FMNL2: variants seen among roughly 807,000 people sequenced by gnomAD.
FMNL2 encodes the protein formin-like protein 2.
In FMNL2, 51 loss-of-function variants were observed where a neutral mutation model predicts 130.2. The ratio of observed to expected loss-of-function variants is 0.39; its 90% CI spans 0.31 to 0.49. The LOEUF (loss-of-function observed/expected upper bound fraction) is 0.49, where lower values mean the gene tolerates loss of function less well. Among genes scored for constraint, FMNL2 ranks in the 20% least tolerant of loss-of-function variants. The probability of loss-of-function intolerance (pLI) is 0.85; values close to 1 mark genes in which losing one functional copy is unlikely to be tolerated. For synonymous variants in FMNL2, 465 were observed against 467.1 expected, an observed-to-expected ratio of 1.00 and a Z score of 0.06; for missense variants, 977 against 1,316.2, an observed-to-expected ratio of 0.74 and a Z score of 3.99.
At position 152,338,818 on chromosome 2, in the gene FMNL2, G is replaced by GACACACACACACAC. The variant is rs767062578; in HGVS notation, c.117+3099_117+3100insCACACACACACACA. ...CCTTTCAGGTACAGCTGGAAGGTGAGATACACACACACACACACACACACA... is the reference window on the plus strand; with the variant it reads ...CCTTTCAGGTACAGCTGGAAGGTGAGACACACACACACACATACACACACACACACACACACACA... On this transcript the variant is annotated intron_variant, in intron 1 of 25. Coordinates refer to ENST00000288670, the MANE Select transcript of FMNL2 (RefSeq NM_052905.4). Among the ~76,000 whole-genome samples, 333 of 60,374 alleles carry GACACACACACACAC rather than the reference G, an allele frequency of 5.5e-3. 1 individual carries two copies. Among genetic ancestry groups the GACACACACACACAC allele is most frequent in the African/African-American group, 3.2e-3 (76 of 23,562 alleles). 39.6% of individuals were successfully genotyped at this position (60,374 alleles called of 152,430 possible).
intron 1 of FMNL2, among the ~76,000 whole-genome samples, chr2:152,398,288 G>C (rs1488665754): frequency 2.6e-5 from 4 of 152,150 alleles, no homozygotes; most frequent in African/African-American, 9.7e-5. Context: ...AAAGAGCACA[G>C]ATTTTTTATA....
chr2:152,603,621 C>A (rs1043346158), intron 9 of FMNL2, among the ~76,000 whole-genome samples: 3 of 150,746 alleles, frequency 2.0e-5, no homozygotes, highest in Non-Finnish European at 3.0e-5. Flanking sequence ...ATATTTGATG[C>A]CATCTTTTAA....
intron 1 of FMNL2, among the ~76,000 whole-genome samples, chr2:152,371,208 C>T (rs1273895846): frequency 6.6e-6 from 1 of 152,190 alleles, no homozygotes; most frequent in East Asian, 1.9e-4. Flanking sequence ...CACAAGTCAG[C>T]CCTATTTATC....
chr2:152,474,101 T>G (rs1690011948), intron 1 of FMNL2, among the ~76,000 whole-genome samples: 1 of 152,214 alleles, frequency 6.6e-6, no homozygotes, highest in South Asian at 2.1e-4. Flanking sequence ...GGTCTCAAAC[T>G]CCTGGCCTCA....
At chr2:152,487,057 A>G (rs568426374) in intron 1 of FMNL2, among the ~76,000 whole-genome samples, 1 of 152,290 alleles carries the variant, frequency 6.6e-6, no homozygotes, top group African/African-American at 2.4e-5. Flanking sequence ...TTGAGTATAT[A>G]CTCTGTGTTC....
intron 8 of FMNL2, among the ~76,000 whole-genome samples, chr2:152,579,687 G>C (rs968361698): frequency 6.6e-6 from 1 of 152,204 alleles, no homozygotes; most frequent in African/African-American, 2.4e-5. Flanking sequence ...GACAGGGCAA[G>C]ACTCTGTCTC....
Position 152,629,739 on chromosome 2 carries a change from T to C in FMNL2, c.2469+15T>C. 5 of 1,601,028 alleles carry C rather than the reference T, an allele frequency of 3.1e-6. No individual in the cohort carries two copies. The highest frequency in any genetic ancestry group is 4.3e-6 in the Non-Finnish European group (5 of 1,173,050). ...AAATTCTGGAGGCAAGTGCAGTTTT[T>C]CTTGTAGGTATGAAGGACTACTTCA... On this transcript the variant is annotated intron_variant, in intron 19 of 25. Coordinates refer to ENST00000288670, the MANE Select transcript of FMNL2 (RefSeq NM_052905.4).
chr2:152,601,568 T>C (rs1300827702), intron 9 of FMNL2, among the ~76,000 whole-genome samples: 1 of 151,954 alleles, frequency 6.6e-6, no homozygotes, highest in Non-Finnish European at 1.5e-5. Flanking sequence ...CCCAAAGTGC[T>C]GGGATTACAG....
chr2:152,610,148 C>T (rs558296209), intron 10 of FMNL2, among the ~76,000 whole-genome samples: 14 of 152,214 alleles, frequency 9.2e-5, no homozygotes, highest in African/African-American at 3.1e-4. Flanking sequence ...GGGAAGAGTT[C>T]ACAGGGAATT....
At chr2:152,540,293 T>A (rs1694237932) in intron 2 of FMNL2, among the ~76,000 whole-genome samples, 2 of 152,062 alleles carry the variant, frequency 1.3e-5, no homozygotes, top group Non-Finnish European at 1.5e-5. Flanking sequence ...CCCATGGCAA[T>A]AGGATCCCCT....
At chr2:152,486,515 T>A (rs1156283718) in intron 1 of FMNL2, among the ~76,000 whole-genome samples, 1 of 152,212 alleles carries the variant, frequency 6.6e-6, no homozygotes, top group Admixed American at 6.5e-5. Context: ...AATTTTCTTT[T>A]AAATGGAAGG....
intron 17 of FMNL2, 134 bp downstream of exon 17, chr2:152,626,861 A>G: frequency 1.1e-6 from 1 of 912,596 alleles, no homozygotes; most frequent in East Asian, 2.7e-5. Flanking sequence ...TTTGATATCC[A>G]CACTTGAGAG....
chr2:152,357,796 T>C (rs1203105137), intron 1 of FMNL2, among the ~76,000 whole-genome samples: 1 of 152,228 alleles, frequency 6.6e-6, no homozygotes, highest in African/African-American at 2.4e-5. Context: ...AGCCTAACCG[T>C]GTATTTCCGC....
intron 1 of FMNL2, among the ~76,000 whole-genome samples, chr2:152,341,968 G>A (rs1311687591): frequency 2.0e-5 from 3 of 152,204 alleles, no homozygotes; most frequent in African/African-American, 4.8e-5. Flanking sequence ...TTATTGGCTC[G>A]AAAGTTGCCC....
chr2:152,645,233 C>T (rs902428223), intron 25 of FMNL2, among the ~76,000 whole-genome samples: 1 of 152,152 alleles, frequency 6.6e-6, no homozygotes, highest in Admixed American at 6.5e-5. Flanking sequence ...CAGCTTGGAA[C>T]TGGGTGGTCA....
At chr2:152,530,459 A>C (rs1192936444) in intron 2 of FMNL2, among the ~76,000 whole-genome samples, 1 of 152,206 alleles carries the variant, frequency 6.6e-6, no homozygotes, top group Non-Finnish European at 1.5e-5. Context: ...TGATTCTGAA[A>C]AATTTTATGT....
chr2:152,647,381 G>A (rs905237832), intron 25 of FMNL2, among the ~76,000 whole-genome samples: 1 of 152,116 alleles, frequency 6.6e-6, no homozygotes, highest in African/African-American at 2.4e-5. Context: ...GGAAAAGATG[G>A]GACAGGACAG....
intron 1 of FMNL2, among the ~76,000 whole-genome samples, chr2:152,464,340 G>C (rs1020276517): frequency 6.6e-6 from 1 of 152,144 alleles, no homozygotes; most frequent in Non-Finnish European, 1.5e-5. Context: ...TAACTCCTTT[G>C]GCTGGCTTTA....
chr2:152,418,930 G>A (rs1271731421), intron 1 of FMNL2, among the ~76,000 whole-genome samples: 3 of 150,960 alleles, frequency 2.0e-5, no homozygotes, highest in Non-Finnish European at 2.9e-5. Flanking sequence ...CGAGGGTTCC[G>A]AGCCCTCCAT....
Sources: allele counts gnomAD v4.1 joint callset (sites outside exome capture counted in the v4.1 genomes callset), GRCh38; gene constraint gnomAD v4.1.1; transcripts MANE v1.5; gene names NCBI Gene and HGNC (gene_info 2026-07-23, HGNC 2026-07-21).